The following PDE4B variants were observed in gnomAD, a reference collection of about 807,000 sequenced individuals.
PDE4B encodes the protein 3',5'-cyclic-AMP phosphodiesterase 4B.
Under a neutral mutation model 82.2 loss-of-function variants are expected in PDE4B, and 20 were observed. The ratio of observed to expected loss-of-function variants is 0.24; its 90% confidence interval spans 0.17 to 0.35. The LOEUF (loss-of-function observed/expected upper bound fraction) is 0.35. Among genes scored for constraint, PDE4B ranks in the 10% least tolerant of loss-of-function variants. PDE4B has a pLI of 1.00. For missense variants in PDE4B, 655 were observed against 907.2 expected (o/e 0.72, Z 3.57); for synonymous variants, 320 against 318.9 (o/e 1.00, Z -0.04).
intron 7 of PDE4B, among the ~76,000 whole-genome samples, chr1:66,319,610 A>G (rs1355518896): frequency 6.6e-6 from 1 of 152,208 alleles, no homozygotes; most frequent in Non-Finnish European, 1.5e-5. Context: ...CCTAGATTCA[A>G]GTTTCCAGGT....
intron 3 of PDE4B, among the ~76,000 whole-genome samples, chr1:65,920,959 CTTTTTTTTTTTT>C (rs71058435): frequency 1.8e-4 from 12 of 68,150 alleles, no homozygotes; most frequent in African/African-American, 5.3e-4. Flanking sequence ...AAAAGCATTT[CTTTTTTTTTTTT>C]TTTTTTTTTT....
At chr1:65,937,546 G>C (rs1393958166) in intron 3 of PDE4B, among the ~76,000 whole-genome samples, 1 of 152,150 alleles carries the variant, frequency 6.6e-6, no homozygotes, top group African/African-American at 2.4e-5. Flanking sequence ...GCATGGATGG[G>C]AAACTGATGA....
chr1:65,864,165 T>A (rs765485761), intron 1 of PDE4B, among the ~76,000 whole-genome samples: 3 of 151,874 alleles, frequency 2.0e-5, no homozygotes, highest in South Asian at 2.1e-4. Flanking sequence ...TATTGATACT[T>A]GTGTATGCTT....
intron 3 of PDE4B, among the ~76,000 whole-genome samples, chr1:66,177,075 C>A (rs1646944435): frequency 6.6e-6 from 1 of 152,194 alleles, no homozygotes; most frequent in East Asian, 1.9e-4. Flanking sequence ...GCACCTGCTT[C>A]ACAGAGGAGG....
At chr1:66,144,489 A>G (rs1372352509) in intron 3 of PDE4B, among the ~76,000 whole-genome samples, 1 of 152,228 alleles carries the variant, frequency 6.6e-6, no homozygotes, top group Non-Finnish European at 1.5e-5. Context: ...AAAGATTTGG[A>G]ATGTAAATTG....
At chr1:66,143,606 A>G (rs940718263) in intron 3 of PDE4B, among the ~76,000 whole-genome samples, 1 of 152,150 alleles carries the variant, frequency 6.6e-6, no homozygotes, top group African/African-American at 2.4e-5. Flanking sequence ...TATGAACAGG[A>G]CTCTAATTCT....
At chr1:65,818,862 C>G (rs1342045284) in intron 1 of PDE4B, among the ~76,000 whole-genome samples, 1 of 152,038 alleles carries the variant, frequency 6.6e-6, no homozygotes, top group Non-Finnish European at 1.5e-5. Context: ...GGACCATAAG[C>G]TCAACAAAGT....
chr1:65,894,148 A>T (rs190638717), intron 1 of PDE4B, among the ~76,000 whole-genome samples: 4 of 151,314 alleles, frequency 2.6e-5, no homozygotes. Flanking sequence ...CTGTTGAAAT[A>T]AAAAAAAAGA....
At chr1:66,363,818 T>C (rs147236468) in intron 12 of PDE4B, among the ~76,000 whole-genome samples, 10 of 152,206 alleles carry the variant, frequency 6.6e-5, no homozygotes, top group Non-Finnish European at 1.5e-4. Context: ...ATATACAATA[T>C]ACTTACAAAA....
intron 3 of PDE4B, among the ~76,000 whole-genome samples, chr1:66,025,396 A>G (rs2100780623): frequency 6.6e-6 from 1 of 152,306 alleles, no homozygotes; most frequent in African/African-American, 2.4e-5. Flanking sequence ...TAAATTCCTT[A>G]TCTCTTTACA....
chr1:65,988,348 A>G (rs1429372165), intron 3 of PDE4B, among the ~76,000 whole-genome samples: 1 of 152,118 alleles, frequency 6.6e-6, no homozygotes, highest in South Asian at 2.1e-4. Flanking sequence ...AAATTGGGAG[A>G]AGTTGCAATT....
intron 3 of PDE4B, among the ~76,000 whole-genome samples, chr1:66,141,884 A>T (rs529840072): frequency 6.6e-6 from 1 of 152,148 alleles, no homozygotes; most frequent in Non-Finnish European, 1.5e-5. Context: ...CTTGAACAAC[A>T]TAGGCATTAG....
At chr1:65,837,273 T>G (rs1646150760) in intron 1 of PDE4B, among the ~76,000 whole-genome samples, 1 of 152,154 alleles carries the variant, frequency 6.6e-6, no homozygotes, top group Admixed American at 6.6e-5. Flanking sequence ...ACAGTATTTC[T>G]CAAGTCTGGT....
intron 1 of PDE4B, among the ~76,000 whole-genome samples, chr1:65,853,818 G>A (rs952628736): frequency 1.3e-5 from 2 of 152,102 alleles, no homozygotes; most frequent in African/African-American, 4.8e-5. Flanking sequence ...ATGAGCCACC[G>A]CGCCTGGCTG....
rs764805653 is a variant in PDE4B at position 66,247,650 on chromosome 1, G to A, written c.472G>A (p.Glu158Lys). 3.2e-6 allele frequency: 5 copies of A among 1,581,608 alleles called. No homozygotes were observed. Among genetic ancestry groups the A allele is most frequent in the East Asian group, 2.3e-5 (1 of 43,986 alleles). Residue 158 changes from glutamate to lysine, a missense_variant, in exon 4 of 17, where the codon GAG becomes AAG. Transcript: ENST00000341517. ...GTCGAGAAACTCTTCTCTTCCAAGCGAGCAGTAAGTACAAGCTCTGTCTGG... is the reference window on the plus strand; with the variant it reads ...GTCGAGAAACTCTTCTCTTCCAAGCAAGCAGTAAGTACAAGCTCTGTCTGG... ...AMSRNSSLPSEQHGDDLIVTP... is the reference protein window; with the variant it reads ...AMSRNSSLPSKQHGDDLIVTP...
At chr1:66,021,710 T>G (rs1318422570) in intron 3 of PDE4B, among the ~76,000 whole-genome samples, 2 of 152,222 alleles carry the variant, frequency 1.3e-5, no homozygotes, top group East Asian at 3.8e-4. Flanking sequence ...TTTTGGTTAT[T>G]GTAGCCTTGT....
At chr1:66,104,281 T>A (rs976308729) in intron 3 of PDE4B, among the ~76,000 whole-genome samples, 9 of 151,998 alleles carry the variant, frequency 5.9e-5, no homozygotes, top group African/African-American at 2.2e-4. Context: ...ACCTTTTTTA[T>A]GGCTGCATAG....
At chr1:66,314,794 G>A (rs753587472) in intron 7 of PDE4B, among the ~76,000 whole-genome samples, 8 of 152,100 alleles carry the variant, frequency 5.3e-5, no homozygotes, top group Admixed American at 2.0e-4. Flanking sequence ...ATGCCATTCC[G>A]CGTATGGTTA....
intron 9 of PDE4B, among the ~76,000 whole-genome samples, chr1:66,355,891 C>T (rs1662200751): frequency 6.6e-6 from 1 of 152,192 alleles, no homozygotes; most frequent in Non-Finnish European, 1.5e-5. Flanking sequence ...ACCTTGTCTG[C>T]CTGCCTACTT....
Sources: allele counts gnomAD v4.1 joint callset (sites outside exome capture counted in the v4.1 genomes callset), GRCh38; gene constraint gnomAD v4.1.1; transcripts MANE v1.5; gene names NCBI Gene and HGNC (gene_info 2026-07-23, HGNC 2026-07-21).